Variants in SLC13A1 observed in about 807,000 individuals in gnomAD.
SLC13A1 encodes the protein Na(+)/sulfate cotransporter.
A neutral mutation model predicts 70.0 loss-of-function variants in SLC13A1; 65 were observed. That is an observed-to-expected ratio of 0.93 (90% CI 0.76 to 1.14). The LOEUF (loss-of-function observed/expected upper bound fraction) is 1.14. Among genes scored for constraint, SLC13A1 ranks in the 50% most tolerant of loss-of-function variants. The pLI is 0.00. For synonymous variants in SLC13A1, 275 were observed against 250.5 expected, an observed-to-expected ratio of 1.10 and a Z score of -0.92; for missense variants, 726 against 717.8, an observed-to-expected ratio of 1.01 and a Z score of -0.13.
chr7:123,143,095 C>A (rs1211208568), intron 7 of SLC13A1, among the ~76,000 whole-genome samples: 1 of 152,132 alleles, frequency 6.6e-6, no homozygotes, highest in East Asian at 1.9e-4. Context: ...AGATGCAAGA[C>A]AAAGTCCTCT....
intron 6 of SLC13A1, chr7:123,148,416 G>A: frequency 2.3e-6 from 1 of 442,894 alleles, no homozygotes; most frequent in South Asian, 1.6e-5. Context: ...CTTGGACAAT[G>A]GCACATCCTG....
intron 1 of SLC13A1, among the ~76,000 whole-genome samples, chr7:123,195,833 G>A (rs1796160176): frequency 1.3e-5 from 2 of 151,956 alleles, no homozygotes; most frequent in Admixed American, 1.3e-4. Flanking sequence ...TTGTTTCCTT[G>A]TCTCCTGATC....
At chr7:123,194,028 T>A (rs1796088102) in intron 1 of SLC13A1, among the ~76,000 whole-genome samples, 1 of 152,168 alleles carries the variant, frequency 6.6e-6, no homozygotes, top group South Asian at 2.1e-4. Flanking sequence ...CTCAACACAG[T>A]TATTAACTAT....
intron 11 of SLC13A1, among the ~76,000 whole-genome samples, chr7:123,123,729 T>C (rs1793465677): frequency 6.6e-6 from 1 of 152,108 alleles, no homozygotes; most frequent in African/African-American, 2.4e-5. Flanking sequence ...TTCACCAAGA[T>C]TTCAGTTTAA....
intron 2 of SLC13A1, among the ~76,000 whole-genome samples, chr7:123,177,618 CA>C (rs1218131779): frequency 1.3e-5 from 2 of 152,098 alleles, no homozygotes; most frequent in East Asian, 3.9e-4. Flanking sequence ...GATATACCTG[CA>C]ATAAGGTCTT....
At chr7:123,160,565 G>C (rs976131378) in intron 6 of SLC13A1, among the ~76,000 whole-genome samples, 1 of 152,130 alleles carries the variant, frequency 6.6e-6, no homozygotes, top group African/African-American at 2.4e-5. Context: ...AGAGCACAGA[G>C]ATTTGAGAAG....
chr7:123,134,364 A>G (rs748253265), intron 8 of SLC13A1, 46 bp downstream of exon 8: 34 of 1,580,166 alleles, frequency 2.2e-5, no homozygotes, highest in Non-Finnish European at 2.8e-5. Context: ...AGAACTGGGA[A>G]CCTAGACACC....
intron 2 of SLC13A1, among the ~76,000 whole-genome samples, 198 bp from the exon 3 acceptor site, chr7:123,172,102 AG>A (rs2116566008): frequency 6.6e-6 from 1 of 152,334 alleles, no homozygotes; most frequent in African/African-American, 2.4e-5. Flanking sequence ...GTTAAGGAAA[AG>A]TATACCGAAA....
rs142621757 is a variant in SLC13A1 at position 123,178,629 on chromosome 7, G to T, written c.228+2344C>A. Among the ~76,000 whole-genome samples, 23 of 152,194 alleles carry T rather than the reference G, an allele frequency of 1.5e-4. No homozygotes were observed. In the East Asian group the frequency reaches 4.5e-3, roughly 29 times the overall value. On this transcript the variant is annotated intron_variant, in intron 2 of 14. Coordinates refer to ENST00000194130, the MANE Select transcript of SLC13A1 (RefSeq NM_022444.4). ...ATCAAATTTTAAGCTCAGGTCTTAT[G>T]ACTAAATCTCTAGCTCATTCATAAT... is the stretch of plus-strand genomic sequence containing the variant.
At chr7:123,181,372 T>A (rs1330982276) in intron 1 of SLC13A1, among the ~76,000 whole-genome samples, 1 of 152,170 alleles carries the variant, frequency 6.6e-6, no homozygotes, top group Non-Finnish European at 1.5e-5. Context: ...TAGTCCATTT[T>A]CTTGCTCATA....
chr7:123,120,189 C>T (rs1354048812), intron 12 of SLC13A1, among the ~76,000 whole-genome samples: 1 of 151,906 alleles, frequency 6.6e-6, no homozygotes, highest in Admixed American at 6.6e-5. Flanking sequence ...TATGACGTTC[C>T]TTCTCCTCCC....
At chr7:123,129,309 G>T (rs1160771774) in intron 9 of SLC13A1, 74 bp downstream of exon 9, 1 of 1,209,394 alleles carries the variant, frequency 8.3e-7, no homozygotes, top group Non-Finnish European at 1.2e-6. Context: ...AGTGTAAACA[G>T]CATTTCTCTC....
intron 7 of SLC13A1, among the ~76,000 whole-genome samples, chr7:123,140,756 G>C (rs1402736058): frequency 6.6e-6 from 1 of 152,016 alleles, no homozygotes; most frequent in Non-Finnish European, 1.5e-5. Flanking sequence ...AATTTCTGCA[G>C]TATCAGCTAT....
chr7:123,114,748 A>G lies in SLC13A1; in HGVS notation c.*770T>C, dbSNP rs1793124549. On this transcript the variant is annotated 3_prime_UTR_variant, in exon 15 of 15. Coordinates refer to ENST00000194130, the MANE Select transcript of SLC13A1 (RefSeq NM_022444.4). ...TTTCCTTTCTAACTATACTGTACTA[A>G]TAGTGCAAATCATAGCAAGCCTTAT... 6.6e-6 allele frequency: 1 copy of G among 152,200 alleles called. No homozygotes were observed. Among genetic ancestry groups the G allele is most frequent in the Admixed American group, 6.5e-5 (1 of 15,284 alleles). The allele number at this position is 152,200 out of a possible 1,614,324, so 9.4% of individuals were successfully genotyped here. A position where few individuals can be genotyped will look rare whatever the true frequency, so the allele number is the denominator to read the frequency against.
intron 1 of SLC13A1, among the ~76,000 whole-genome samples, chr7:123,186,097 A>C (rs1434277187): frequency 1.3e-5 from 2 of 152,058 alleles, no homozygotes; most frequent in Non-Finnish European, 2.9e-5. Flanking sequence ...TTCAAACACA[A>C]CACCAAGTAT....
chr7:123,196,590 T>C (rs1796192127), intron 1 of SLC13A1, among the ~76,000 whole-genome samples: 1 of 152,000 alleles, frequency 6.6e-6, no homozygotes, highest in Non-Finnish European at 1.5e-5. Context: ...ACTGACCAGC[T>C]TAAAAAACTG....
At chr7:123,156,709 C>A (rs1009909686) in intron 6 of SLC13A1, among the ~76,000 whole-genome samples, 2 of 152,134 alleles carry the variant, frequency 1.3e-5, no homozygotes, top group Non-Finnish European at 2.9e-5. Context: ...AGACGAAGCT[C>A]TGATCACAAT....
chr7:123,141,430 G>A (rs1198170936), intron 7 of SLC13A1, among the ~76,000 whole-genome samples: 3 of 152,070 alleles, frequency 2.0e-5, no homozygotes, highest in Non-Finnish European at 4.4e-5. Context: ...GATCCATTTG[G>A]CCTGTAGTAC....
intron 6 of SLC13A1, among the ~76,000 whole-genome samples, chr7:123,159,191 A>G (rs1483874138): frequency 6.6e-6 from 1 of 152,186 alleles, no homozygotes; most frequent in African/African-American, 2.4e-5. Flanking sequence ...ATTATCTTTA[A>G]ATGTTTATAT....
Sources: gnomAD v4.1 joint callset for allele counts (sites outside exome capture counted in the v4.1 genomes callset) on GRCh38, gnomAD v4.1.1 for gene constraint, MANE v1.5 for transcripts, NCBI Gene and HGNC (gene_info 2026-07-23, HGNC 2026-07-21) for gene names.